Variants in SLC25A25 observed in about 807,000 individuals in gnomAD.
The protein encoded by SLC25A25 is solute carrier family 25 member 25.
A neutral mutation model predicts 57.7 loss-of-function variants in SLC25A25; 32 were observed. The observed-to-expected ratio is 0.55, with a 90% CI of 0.42 to 0.74. The LOEUF (loss-of-function observed/expected upper bound fraction) is 0.74. Ranked by LOEUF, SLC25A25 falls within the 30% of genes least tolerant of loss-of-function variation. SLC25A25 has a pLI of 0.00. For synonymous variants in SLC25A25, 306 were observed against 291.2 expected, an observed-to-expected ratio of 1.05 and a Z score of -0.52; for missense variants, 556 against 701.3, an observed-to-expected ratio of 0.79 and a Z score of 2.34.
In SLC25A25 at chr9:128,101,168, G is replaced by C. The variant is rs138425637; in HGVS notation, c.334G>C (p.Asp112His). Reference sequence around the variant, plus strand: ...TGAAGAATTTGTCCATTATCTCCAAGATCATGAGAAGAAGCTGAGGCTGGT... The same window carrying C: ...TGAAGAATTTGTCCATTATCTCCAACATCATGAGAAGAAGCTGAGGCTGGT... ...DFEEFVHYLQ[D>H]HEKKLRLVFK... Residue 112 changes from aspartate (D) to histidine (H), a missense_variant, in exon 2 of 11, where the codon GAT becomes CAT. Coordinates refer to ENST00000373069, the MANE Select transcript of SLC25A25 (RefSeq NM_001330988.2). The surrounding 1 kb of genome is among the most constrained non-coding windows in gnomAD (Gnocchi z 4.9). The C allele has an allele frequency of 5.6e-6, 9 of 1,614,290 alleles. No individual in the cohort carries two copies. In the East Asian group the frequency reaches 2.0e-4, roughly 36 times the overall value.
chr9:128,098,012 G>A (rs1038693977), intron 1 of SLC25A25, among the ~76,000 whole-genome samples: 2 of 152,136 alleles, frequency 1.3e-5, no homozygotes, highest in South Asian at 2.1e-4. Flanking sequence ...CCTGGCTCTC[G>A]GCCACCCCTC....
In SLC25A25 at chr9:128,102,599, G is replaced by C. The variant is rs1268752227; in HGVS notation, c.624+118G>C. ...TTTCCAGCCACCTCCTCTTCCACAG[G>C]AGACTGTCCCCTCTTCTGCCAGCCC... On this transcript the variant is annotated intron_variant, in intron 5 of 10. Coordinates refer to ENST00000373069, the MANE Select transcript of SLC25A25 (RefSeq NM_001330988.2). The surrounding 1 kb of genome is among the most constrained non-coding windows in gnomAD (Gnocchi z 4.1). The C allele has an allele frequency of 2.7e-6, 2 of 746,260 alleles. No individual in the cohort carries two copies. The highest frequency in any genetic ancestry group is 5.2e-5 in the Admixed American group (2 of 38,514). 46.2% of individuals were successfully genotyped at this position (746,260 alleles called of 1,614,324 possible). A position where few individuals can be genotyped will look rare whatever the true frequency, so the allele number is the denominator to read the frequency against.
rs1242001912 is a variant in SLC25A25, at chr9:128,102,135, A to T, written c.512+20A>T. 6.4e-7 allele frequency: 1 copy of T among 1,550,418 alleles called. No homozygotes were observed. Among genetic ancestry groups the T allele is most frequent in the African/African-American group, 1.4e-5 (1 of 73,016 alleles). On this transcript the variant is annotated intron_variant, in intron 4 of 10. Coordinates refer to ENST00000373069, the MANE Select transcript of SLC25A25 (RefSeq NM_001330988.2). This position sits in a 1 kb window ranked among gnomAD's most constrained non-coding sequence, Gnocchi z 4.1. Reference sequence around the variant, plus strand: ...CACCTAGTAAGTATCCATGTCGCTCATGACTGCCTCCCTTGACTTCCATGC... The same window carrying T: ...CACCTAGTAAGTATCCATGTCGCTCTTGACTGCCTCCCTTGACTTCCATGC...
At chr9:128,079,940 C>G (rs1033075539) in intron 1 of SLC25A25, among the ~76,000 whole-genome samples, 1 of 150,984 alleles carries the variant, frequency 6.6e-6, no homozygotes, top group African/African-American at 2.4e-5. Context: ...GCAGGCAGCC[C>G]AGATCGTGCC....
At position 128,107,737 on chromosome 9, in the gene SLC25A25, C is replaced by T; in HGVS notation, c.*293C>T. ...GACAGGACATTTTCTGCAGTGCCTG[C>T]CAATAGCGAGCTTGGAGCCTGGAGG... is the stretch of plus-strand genomic sequence containing the variant. On this transcript the variant is annotated 3_prime_UTR_variant, in exon 11 of 11. Coordinates refer to ENST00000373069, the MANE Select transcript of SLC25A25 (RefSeq NM_001330988.2). The T allele has an allele frequency of 4.9e-6, 2 of 409,208 alleles. No homozygotes were observed. The highest frequency in any genetic ancestry group is 3.9e-5 in the Admixed American group (1 of 25,402). 25.3% of individuals were successfully genotyped at this position (409,208 alleles called of 1,614,324 possible).
chr9:128,091,288 G>A (rs1833396796), intron 1 of SLC25A25: 2 of 276,058 alleles, frequency 7.2e-6, no homozygotes, highest in African/African-American at 2.3e-5. Flanking sequence ...TCTGGAGCTT[G>A]AGTCCGCACC....
In SLC25A25 at chr9:128,108,855, C is replaced by G. The variant is rs1564200528; in HGVS notation, c.*1411C>G. 1 of 152,202 alleles carries G rather than the reference C, an allele frequency of 6.6e-6. No individual in the cohort carries two copies. The highest frequency in any genetic ancestry group is 6.5e-5 in the Admixed American group (1 of 15,278). The allele number at this position is 152,202 out of a possible 1,614,324, so 9.4% of individuals were successfully genotyped here. ...GGGGCGTGGAGAGAGAGGGAGGAAC[C>G]TCAATAACCTTGAAGGTGGAATCCA... is the stretch of plus-strand genomic sequence containing the variant. On this transcript the variant is annotated 3_prime_UTR_variant, in exon 11 of 11. Coordinates refer to ENST00000373069, the MANE Select transcript of SLC25A25 (RefSeq NM_001330988.2).
chr9:128,077,049 C>A (rs1564178292), intron 1 of SLC25A25, among the ~76,000 whole-genome samples: 1 of 152,148 alleles, frequency 6.6e-6, no homozygotes, highest in Non-Finnish European at 1.5e-5. Flanking sequence ...GAAAAGTGAT[C>A]CAAGGGCCCT....
At position 128,068,361 on chromosome 9, in the gene SLC25A25, G is replaced by A; in HGVS notation, c.42G>A (p.Pro14=). The part of the protein sequence containing the change: ...SVLCRCVASP[P]PDAAATAASS... ...TGTGCCGCTGTGTGGCCTCCCCGCC[G>A]CCGGACGCCGCCGCCACCGCCGCCT... is the stretch of plus-strand genomic sequence containing the variant. The change falls in exon 1 of 11, where the codon CCG becomes CCA. Residue 14 remains proline, a synonymous_variant. Coordinates refer to ENST00000373069, the MANE Select transcript of SLC25A25 (RefSeq NM_001330988.2). 3 of 1,541,352 alleles carry A rather than the reference G, an allele frequency of 1.9e-6. No individual in the cohort carries two copies. Among genetic ancestry groups the A allele is most frequent in the Non-Finnish European group, 2.6e-6 (3 of 1,152,240 alleles).
Position 128,099,038 on chromosome 9 carries a change from G to T in SLC25A25, c.262-2058G>T, listed in dbSNP as rs1431460222. 1 of 985,342 alleles carries T rather than the reference G, an allele frequency of 1.0e-6. No homozygotes were observed. Among genetic ancestry groups the T allele is most frequent in the Non-Finnish European group, 1.2e-6 (1 of 829,942 alleles). 61.0% of individuals were successfully genotyped at this position (985,342 alleles called of 1,614,324 possible). A position where few individuals can be genotyped will look rare whatever the true frequency, so the allele number is the denominator to read the frequency against. The stretch of plus-strand genomic sequence containing the variant: ...ACAGAGCCAGAAAGGGACCTGGGGG[G>T]CAGGCCAGTAGTGCATGGGAGGAGA... On this transcript the variant is annotated intron_variant, in intron 1 of 10. Transcript: ENST00000373069. The surrounding 1 kb of genome is among the most constrained non-coding windows in gnomAD (Gnocchi z 6.8).
chr9:128,070,623 T>C (rs1832884175), intron 1 of SLC25A25, among the ~76,000 whole-genome samples: 1 of 152,038 alleles, frequency 6.6e-6, no homozygotes, highest in Non-Finnish European at 1.5e-5. Flanking sequence ...ACTGGAGATT[T>C]TCCTGTATGT....
Position 128,109,229 on chromosome 9 carries a change from AGTT to A in SLC25A25, c.*1789_*1791del, listed in dbSNP as rs1213593234. 3.9e-5 allele frequency: 6 copies of A among 152,696 alleles called. No homozygotes were observed. Among genetic ancestry groups the A allele is most frequent in the African/African-American group, 9.6e-5 (4 of 41,552 alleles). 9.5% of individuals were successfully genotyped at this position (152,696 alleles called of 1,614,324 possible). A position where few individuals can be genotyped will look rare whatever the true frequency, so the allele number is the denominator to read the frequency against. ...GTCATTTAAAGCAGCCTTCTAATAA[AGTT>A]GTTTCAAAGCTGATCATGGAGCCAG... is the stretch of plus-strand genomic sequence containing the variant. On this transcript the variant is annotated 3_prime_UTR_variant, in exon 11 of 11. Transcript: ENST00000373069.
At chr9:128,098,866 T>C (rs561870813) in intron 1 of SLC25A25, 2 of 1,492,296 alleles carry the variant, frequency 1.3e-6, no homozygotes, top group South Asian at 2.7e-5. Flanking sequence ...GCCATGCGGC[T>C]ATGGCCGGCA....
At chr9:128,084,940 G>T (rs1161119793) in intron 1 of SLC25A25, among the ~76,000 whole-genome samples, 2 of 152,168 alleles carry the variant, frequency 1.3e-5, no homozygotes, top group Non-Finnish European at 2.9e-5. Context: ...TTGGATATGG[G>T]TGATTCATCC....
chr9:128,075,904 A>G (rs1459285287), intron 1 of SLC25A25, among the ~76,000 whole-genome samples: 1 of 152,194 alleles, frequency 6.6e-6, no homozygotes, highest in African/African-American at 2.4e-5. Context: ...CCACAAGGGA[A>G]TGATAGAAAC....
intron 1 of SLC25A25, among the ~76,000 whole-genome samples, chr9:128,079,975 G>A (rs867546317): frequency 2.7e-5 from 4 of 148,234 alleles, no homozygotes; most frequent in African/African-American, 7.5e-5. Flanking sequence ...TGCTGACAGA[G>A]CGAGACTCCC....
rs149343249 is a variant in SLC25A25, at chr9:128,083,043, A to G, written c.261+14463A>G. Among the ~76,000 whole-genome samples, 1,448 of 151,904 alleles carry G rather than the reference A, an allele frequency of 9.5e-3. 20 individuals are homozygous for G. The highest frequency in any genetic ancestry group is 0.033 in the African/African-American group (1,360 of 41,502). On this transcript the variant is annotated intron_variant, in intron 1 of 10. Coordinates refer to ENST00000373069, the MANE Select transcript of SLC25A25 (RefSeq NM_001330988.2). ...GGAGTTCAAGACCAGCCTGGCCAAC[A>G]TGGTGAAACTCCATCTCTACTAAAA... is the stretch of plus-strand genomic sequence containing the variant.
chr9:128,078,384 G>C lies in SLC25A25; in HGVS notation c.261+9804G>C, dbSNP rs568533925. Among the ~76,000 whole-genome samples, 153 of 94,270 alleles carry C rather than the reference G, an allele frequency of 1.6e-3. 1 individual carries two copies. The highest frequency in any genetic ancestry group is 3.6e-3 in the Non-Finnish European group (132 of 36,950). 61.8% of individuals were successfully genotyped at this position (94,270 alleles called of 152,430 possible). On this transcript the variant is annotated intron_variant, in intron 1 of 10. Coordinates refer to ENST00000373069, the MANE Select transcript of SLC25A25 (RefSeq NM_001330988.2). ...AAGCCTGGGGACATCAGCATTAAAG[G>C]GTGTGTGGCACCCAGGGAGACATAG...
intron 1 of SLC25A25, among the ~76,000 whole-genome samples, chr9:128,074,497 T>A (rs891447148): frequency 2.6e-5 from 4 of 151,406 alleles, no homozygotes; most frequent in Non-Finnish European, 5.9e-5. Flanking sequence ...TTACCTGAGG[T>A]CAGGAGTTCA....
Sources: allele counts gnomAD v4.1 joint callset (sites outside exome capture counted in the v4.1 genomes callset), GRCh38; gene constraint gnomAD v4.1.1; non-coding constraint Gnocchi (gnomAD v3.1); transcripts MANE v1.5; gene names NCBI Gene and HGNC (gene_info 2026-07-23, HGNC 2026-07-21).